The following SH3GL1 variants were observed in gnomAD, a reference collection of about 807,000 sequenced individuals.
SH3GL1 encodes endophilin-A2.
In SH3GL1, 21 loss-of-function variants were observed where a neutral mutation model predicts 48.8. The ratio of observed to expected loss-of-function variants is 0.43; its 90% confidence interval spans 0.30 to 0.62. SH3GL1 has a LOEUF of 0.62. Among genes scored for constraint, SH3GL1 ranks in the 20% least tolerant of loss-of-function variants. SH3GL1 has a pLI of 0.11. For synonymous variants in SH3GL1, 282 were observed against 217.5 expected (o/e 1.30, Z -2.61); for missense variants, 454 against 503.0 (o/e 0.90, Z 0.93).
At position 4,361,570 on chromosome 19, in the gene SH3GL1, A is replaced by T; in HGVS notation, c.*30T>A. The T allele has an allele frequency of 6.5e-7, 1 of 1,528,874 alleles. No homozygotes were observed. Among genetic ancestry groups the T allele is most frequent in the Non-Finnish European group, 8.9e-7 (1 of 1,122,756 alleles). 94.7% of individuals were successfully genotyped at this position (1,528,874 alleles called of 1,614,324 possible). On this transcript the variant is annotated 3_prime_UTR_variant, in exon 10 of 10. Coordinates refer to ENST00000269886, the MANE Select transcript of SH3GL1 (RefSeq NM_003025.4). ...CAGCAGGGGGTGCCGGCCAGTGTGG[A>T]CGGAGGGGCGGGGCGGGGACACGGG...
chr19:4,374,559 C>T (rs1329866571), intron 1 of SH3GL1, among the ~76,000 whole-genome samples: 1 of 152,250 alleles, frequency 6.6e-6, no homozygotes, highest in Non-Finnish European at 1.5e-5. Context: ...TCCACCAGCC[C>T]GAACCTGGCC....
intron 1 of SH3GL1, among the ~76,000 whole-genome samples, chr19:4,388,478 AGAAG>A (rs1433508847): frequency 3.9e-5 from 6 of 152,300 alleles, no homozygotes; most frequent in Middle Eastern, 3.4e-3. Context: ...ATCCACAGGG[AGAAG>A]TGGGAGGAGC....
At chr19:4,396,685 TC>T (rs1265814177) in intron 1 of SH3GL1, among the ~76,000 whole-genome samples, 6 of 152,212 alleles carry the variant, frequency 3.9e-5, no homozygotes, top group African/African-American at 1.4e-4. Context: ...AAGCAGGGTT[TC>T]TCAAATTTTG....
chr19:4,388,169 A>C (rs1973270738), intron 1 of SH3GL1, among the ~76,000 whole-genome samples: 1 of 152,092 alleles, frequency 6.6e-6, no homozygotes, highest in Non-Finnish European at 1.5e-5. Flanking sequence ...TATTCCAGTT[A>C]CTGTTATTGA....
intron 1 of SH3GL1, among the ~76,000 whole-genome samples, chr19:4,383,976 C>T (rs560706232): frequency 4.6e-5 from 7 of 152,334 alleles, no homozygotes; most frequent in African/African-American, 1.4e-4. Context: ...CTGCACTTGT[C>T]TGCAAAAGAC....
intron 1 of SH3GL1, among the ~76,000 whole-genome samples, chr19:4,379,004 G>C (rs575453689): frequency 1.3e-5 from 2 of 152,362 alleles, no homozygotes; most frequent in Non-Finnish European, 2.9e-5. Context: ...GCTACAGCTG[G>C]CTGATCGTGC....
rs150073303 is a variant in SH3GL1, at chr19:4,392,017, A to G, written c.45+8307T>C. Among the ~76,000 whole-genome samples the G allele has an allele frequency of 6.4e-4, 98 of 152,198 alleles. 2 individuals carry two copies. Among genetic ancestry groups the G allele is most frequent in the South Asian group, 4.1e-4 (2 of 4,834 alleles). On this transcript the variant is annotated intron_variant, in intron 1 of 9. Transcript: ENST00000269886. ...ACATCACAAAGCAAAGTCCCTTCCT[A>G]CATCTGTTGCCAACACCTCCCCGAG...
At position 4,366,909 on chromosome 19, in the gene SH3GL1, C is replaced by T. The variant is rs781169794; in HGVS notation, c.114+17G>A. The T allele has an allele frequency of 2.5e-5, 41 of 1,612,386 alleles. No homozygotes were observed. Among genetic ancestry groups the T allele is most frequent in the Middle Eastern group, 1.7e-4 (1 of 5,926 alleles). ...AGCAGTGCCACCACCACACAGAGCA[C>T]GCAGTTTCTTCCTCACCTTCTCCAT... On this transcript the variant is annotated intron_variant, in intron 2 of 9. Transcript: ENST00000269886.
chr19:4,366,235 C>T (rs376032230), intron 3 of SH3GL1, among the ~76,000 whole-genome samples: 409 of 152,282 alleles, frequency 2.7e-3, no homozygotes, highest in African/African-American at 9.5e-3. Context: ...GGCTCCCTGC[C>T]AGGACTGCTG....
intron 1 of SH3GL1, among the ~76,000 whole-genome samples, chr19:4,387,284 C>T (rs751894744): frequency 1.6e-4 from 24 of 151,118 alleles, no homozygotes; most frequent in Non-Finnish European, 2.9e-4. Flanking sequence ...CAGGTGGGCA[C>T]TACTATAGTA....
chr19:4,365,797 C>T (rs1283502427), intron 3 of SH3GL1, among the ~76,000 whole-genome samples, 172 bp from the exon 4 acceptor site: 1 of 152,226 alleles, frequency 6.6e-6, no homozygotes, highest in East Asian at 1.9e-4. Flanking sequence ...TCCTGCTAGC[C>T]TCAAAGGAGC....
rs1264123023 is a variant in SH3GL1 at position 4,366,933 on chromosome 19, A to G, written c.107T>C (p.Met36Thr). The change falls in exon 2 of 10, where the codon ATG becomes ACG. Residue 36 changes from methionine (M) to threonine (T), a missense_variant. Met to Thr is a moderately conservative substitution (Grantham distance 81, BLOSUM62 -1). Coordinates refer to ENST00000269886, the MANE Select transcript of SH3GL1 (RefSeq NM_003025.4). Reference sequence around the variant, plus strand: ...ACGCAGTTTCTTCCTCACCTTCTCCATCTCTTTGAAGTCATCATCCAGCTT... The same window carrying G: ...ACGCAGTTTCTTCCTCACCTTCTCCGTCTCTTTGAAGTCATCATCCAGCTT... Reference protein sequence around the residue: ...GTKLDDDFKEMEKKVDVTSKA... With the variant: ...GTKLDDDFKETEKKVDVTSKA... 1.2e-6 allele frequency: 2 copies of G among 1,613,692 alleles called. No individual in the cohort carries two copies. The highest frequency in any genetic ancestry group is 3.3e-5 in the Admixed American group (2 of 60,012).
chr19:4,399,702 C>G (rs898588456), intron 1 of SH3GL1, among the ~76,000 whole-genome samples: 6 of 152,116 alleles, frequency 3.9e-5, no homozygotes, highest in Non-Finnish European at 7.4e-5. Context: ...AGTGTGATCT[C>G]CAAGCAATGA....
At chr19:4,362,831 G>C in intron 7 of SH3GL1, 95 bp from the exon 8 acceptor site, 1 of 1,586,228 alleles carries the variant, frequency 6.3e-7, no homozygotes, top group Non-Finnish European at 8.6e-7. Context: ...CCTGGCCTGG[G>C]ACTGCAGGAA....
chr19:4,375,860 A>C (rs1020741264), intron 1 of SH3GL1, among the ~76,000 whole-genome samples: 2 of 152,262 alleles, frequency 1.3e-5, no homozygotes, highest in African/African-American at 4.8e-5. Context: ...AGCACTGAGC[A>C]CAGGCTGGTG....
intron 1 of SH3GL1, among the ~76,000 whole-genome samples, chr19:4,387,103 A>G (rs1440922195): frequency 6.6e-6 from 1 of 151,838 alleles, no homozygotes; most frequent in Non-Finnish European, 1.5e-5. Flanking sequence ...CATCCAGTTA[A>G]TTCTTTGTAT....
rs1021306022 is a variant in SH3GL1, at chr19:4,367,630, C to T, written c.46-636G>A. Among the ~76,000 whole-genome samples, 2 of 152,224 alleles carry T rather than the reference C, an allele frequency of 1.3e-5. No individual in the cohort carries two copies. The highest frequency in any genetic ancestry group is 2.4e-5 in the African/African-American group (1 of 41,432). On this transcript the variant is annotated intron_variant, in intron 1 of 9. Coordinates refer to ENST00000269886, the MANE Select transcript of SH3GL1 (RefSeq NM_003025.4). The surrounding 1 kb of genome is among the most constrained non-coding windows in gnomAD (Gnocchi z 4.2). ...CAGGCCTGGCACACCTTGGTCCTCACGGCTCTCAGCTACGGTGAAAGCGAT... is the reference window on the plus strand; with the variant it reads ...CAGGCCTGGCACACCTTGGTCCTCATGGCTCTCAGCTACGGTGAAAGCGAT...
chr19:4,367,435 T>C lies in SH3GL1; in HGVS notation c.46-441A>G, dbSNP rs567624510. ...TGTGGGGTCTACTTAAAAAAAAAAA[T>C]CCTGCCAGCTTGGCTGGGAGAGGCA... On this transcript the variant is annotated intron_variant, in intron 1 of 9. Transcript: ENST00000269886. This position sits in a 1 kb window ranked among gnomAD's most constrained non-coding sequence, Gnocchi z 4.2. Among the ~76,000 whole-genome samples the C allele has an allele frequency of 6.6e-6, 1 of 150,914 alleles. No individual in the cohort carries two copies. The highest frequency in any genetic ancestry group is 1.5e-5 in the Non-Finnish European group (1 of 67,790).
At chr19:4,386,925 C>T (rs1039598213) in intron 1 of SH3GL1, among the ~76,000 whole-genome samples, 3 of 152,150 alleles carry the variant, frequency 2.0e-5, no homozygotes, top group African/African-American at 7.2e-5. Flanking sequence ...GCTGCAATTC[C>T]CCTTCTGTAT....
Sources: allele counts gnomAD v4.1 joint callset (sites outside exome capture counted in the v4.1 genomes callset), GRCh38; gene constraint gnomAD v4.1.1; non-coding constraint Gnocchi (gnomAD v3.1); transcripts MANE v1.5; gene names NCBI Gene and HGNC (gene_info 2026-07-23, HGNC 2026-07-21).